Variants in SNTB1 observed in about 807,000 individuals in gnomAD.
The protein encoded by SNTB1 is beta-1-syntrophin.
Under a neutral mutation model 48.9 loss-of-function variants are expected in SNTB1, and 36 were observed. The ratio of observed to expected loss-of-function variants is 0.74; its 90% CI spans 0.56 to 0.97. SNTB1 has a LOEUF of 0.97. Ranked by LOEUF, SNTB1 falls within the 50% of genes least tolerant of loss-of-function variation. SNTB1 has a pLI of 0.00. For missense variants in SNTB1, 786 were observed against 703.4 expected (o/e 1.12, Z -1.33); for synonymous variants, 299 against 294.6 (o/e 1.01, Z -0.15).
intron 2 of SNTB1, among the ~76,000 whole-genome samples, chr8:120,643,534 TG>T (rs1817232292): frequency 6.6e-6 from 1 of 152,252 alleles, no homozygotes; most frequent in African/African-American, 2.4e-5. Context: ...TTTCCATTCC[TG>T]AGTTACTTCA....
At chr8:120,583,688 A>G (rs1330979131) in intron 3 of SNTB1, among the ~76,000 whole-genome samples, 3 of 152,170 alleles carry the variant, frequency 2.0e-5, no homozygotes, top group Non-Finnish European at 2.9e-5. Flanking sequence ...AATAATACCA[A>G]TTATATATAA....
Position 120,606,805 on chromosome 8 carries a change from A to T in SNTB1, c.996+25639T>A, listed in dbSNP as rs549036918. ...TTTAATTTGCAAGGTAGCCAATGTG[A>T]AGCTTAACAAGAAACCACAAAAAAC... On this transcript the variant is annotated intron_variant, in intron 3 of 6. Coordinates refer to ENST00000517992, the MANE Select transcript of SNTB1 (RefSeq NM_021021.4). Among the ~76,000 whole-genome samples the T allele has an allele frequency of 5.3e-5, 8 of 152,320 alleles. No individual in the cohort carries two copies. In the South Asian group the frequency reaches 1.7e-3, roughly 32 times the overall value.
chr8:120,571,427 C>T (rs1052700946), intron 4 of SNTB1: 8 of 859,990 alleles, frequency 9.3e-6, no homozygotes, highest in African/African-American at 1.8e-5. Context: ...CCCCAAGGCA[C>T]AGCCTGAGTC....
intron 1 of SNTB1, among the ~76,000 whole-genome samples, chr8:120,808,677 A>G (rs1213158719): frequency 6.6e-6 from 1 of 152,078 alleles, no homozygotes; most frequent in Non-Finnish European, 1.5e-5. Flanking sequence ...AGACACTGAG[A>G]CTCAGGGAGG....
At chr8:120,683,365 C>T (rs781678071) in intron 2 of SNTB1, among the ~76,000 whole-genome samples, 2 of 152,072 alleles carry the variant, frequency 1.3e-5, no homozygotes, top group African/African-American at 2.4e-5. Context: ...AATGCTTCTG[C>T]CACTGACACC....
intron 1 of SNTB1, among the ~76,000 whole-genome samples, chr8:120,699,967 G>C (rs763049544): frequency 6.6e-6 from 1 of 152,124 alleles, no homozygotes; most frequent in Non-Finnish European, 1.5e-5. Context: ...ACTTTGCCAA[G>C]TGTTTTTTGT....
At chr8:120,598,142 TC>T (rs68158686) in intron 3 of SNTB1, among the ~76,000 whole-genome samples, 35,730 of 151,976 alleles carry the variant, frequency 0.24, 4,339 homozygotes, top group African/African-American at 0.29. Flanking sequence ...CTCTCACACA[TC>T]CCTTTCCATT....
intron 4 of SNTB1, among the ~76,000 whole-genome samples, chr8:120,562,284 A>T (rs1444292316): frequency 1.3e-5 from 2 of 152,194 alleles, no homozygotes; most frequent in African/African-American, 4.8e-5. Context: ...CTTTGTTCAG[A>T]TGAGGAGACT....
At chr8:120,667,787 C>T (rs1231574221) in intron 2 of SNTB1, among the ~76,000 whole-genome samples, 2 of 152,090 alleles carry the variant, frequency 1.3e-5, no homozygotes, top group East Asian at 3.9e-4. Context: ...ACCATTTGGT[C>T]TTTTCAGGTA....
intron 3 of SNTB1, among the ~76,000 whole-genome samples, chr8:120,619,476 A>G (rs1210321933): frequency 6.6e-6 from 1 of 152,214 alleles, no homozygotes; most frequent in African/African-American, 2.4e-5. Flanking sequence ...ACAGCAGGTC[A>G]TCTATGATCC....
chr8:120,536,492 T>C lies in SNTB1; in HGVS notation c.*2385A>G, dbSNP rs1296686473. Reference sequence around the variant, plus strand: ...AGTGTAAAGTCATTGTAACTTGAATTCAAAATAAGAAAGAAATGAGTATTG... The same window carrying C: ...AGTGTAAAGTCATTGTAACTTGAATCCAAAATAAGAAAGAAATGAGTATTG... On this transcript the variant is annotated 3_prime_UTR_variant, in exon 7 of 7. Coordinates refer to ENST00000517992, the MANE Select transcript of SNTB1 (RefSeq NM_021021.4). 2.6e-5 allele frequency: 4 copies of C among 152,196 alleles called. No homozygotes were observed. Among genetic ancestry groups the C allele is most frequent in the African/African-American group, 9.7e-5 (4 of 41,444 alleles). 9.4% of individuals were successfully genotyped at this position (152,196 alleles called of 1,614,324 possible).
At position 120,715,463 on chromosome 8, in the gene SNTB1, C is replaced by T. The variant is rs907996190; in HGVS notation, c.572-21555G>A. Among the ~76,000 whole-genome samples the T allele has an allele frequency of 8.5e-5, 13 of 152,226 alleles. No individual in the cohort carries two copies. The East Asian group carries it at 2.5e-3, about 29-fold the overall frequency. On this transcript the variant is annotated intron_variant, in intron 1 of 6. Transcript: ENST00000517992. The stretch of plus-strand genomic sequence containing the variant: ...CGATAGCAAATTTTAGTTGACATCA[C>T]ATGAGTTGTTTATCTGGGGAGCATA...
intron 1 of SNTB1, among the ~76,000 whole-genome samples, chr8:120,733,120 T>C (rs1420360800): frequency 6.6e-6 from 1 of 152,232 alleles, no homozygotes; most frequent in South Asian, 2.1e-4. Context: ...ATCGTGTATA[T>C]GCCAAGTATG....
intron 2 of SNTB1, among the ~76,000 whole-genome samples, chr8:120,667,012 T>C (rs1275907431): frequency 1.3e-5 from 2 of 152,096 alleles, no homozygotes; most frequent in Non-Finnish European, 2.9e-5. Context: ...CAGTTCTGGG[T>C]CAGTTTCAAT....
At chr8:120,629,190 T>A (rs992917042) in intron 3 of SNTB1, among the ~76,000 whole-genome samples, 1 of 152,144 alleles carries the variant, frequency 6.6e-6, no homozygotes, top group Non-Finnish European at 1.5e-5. Context: ...CAAATCCCTG[T>A]CATTTCTCAG....
rs373870482 is a variant in SNTB1 at position 120,762,841 on chromosome 8, T to C, written c.571+48432A>G. Among the ~76,000 whole-genome samples, 16 of 152,266 alleles carry C rather than the reference T, an allele frequency of 1.1e-4. No individual in the cohort carries two copies. The East Asian group carries it at 1.4e-3, about 13-fold the overall frequency. ...AGAAAAAAAATACTAGGCAATGGAA[T>C]TGCATCCAAATAGAGTAACAACAAA... is the stretch of plus-strand genomic sequence containing the variant. On this transcript the variant is annotated intron_variant, in intron 1 of 6. Transcript: ENST00000517992.
chr8:120,759,432 A>C (rs967743073), intron 1 of SNTB1, among the ~76,000 whole-genome samples: 1 of 152,102 alleles, frequency 6.6e-6, no homozygotes, highest in East Asian at 1.9e-4. Flanking sequence ...TTTCTGATAC[A>C]TGAGTCCACT....
Position 120,541,938 on chromosome 8 carries a change from T to C in SNTB1, c.1396A>G (p.Thr466Ala), listed in dbSNP as rs1360777804. 1 of 1,613,998 alleles carries C rather than the reference T, an allele frequency of 6.2e-7. No individual in the cohort carries two copies. The highest frequency in any genetic ancestry group is 1.1e-5 in the South Asian group (1 of 91,074). The change falls in exon 6 of 7, where the codon ACC becomes GCC. Residue 466 changes from threonine to alanine, a missense_variant. Thr to Ala is a moderately conservative substitution (Grantham distance 58, BLOSUM62 0). Transcript: ENST00000517992. ...AAGGCACCCTCCTGTGGTTCAGTGG[T>C]AATAGAAAATCCATTCTCATAATGT... The part of the protein sequence containing the change: ...TIHYENGFSI[T>A]TEPQEGAFPK...
At chr8:120,541,307 TCTCCACTCCAG>T (rs1199586830) in intron 6 of SNTB1, 1 of 152,424 alleles carries the variant, frequency 6.6e-6, no homozygotes. Context: ...TCTGGCCCTC[TCTCCACTCCAG>T]TGGAGTTGAT....
Sources: gnomAD v4.1 joint callset for allele counts (sites outside exome capture counted in the v4.1 genomes callset) on GRCh38, gnomAD v4.1.1 for gene constraint, MANE v1.5 for transcripts, NCBI Gene and HGNC (gene_info 2026-07-23, HGNC 2026-07-21) for gene names.